The following LMAN1L variants were observed in gnomAD, a reference collection of about 807,000 sequenced individuals.
LMAN1L encodes the protein protein ERGIC-53-like.
In LMAN1L, 60 loss-of-function variants were observed where a neutral mutation model predicts 58.3. That is an observed-to-expected ratio of 1.03 (90% CI 0.84 to 1.27). LMAN1L has a LOEUF of 1.27. LMAN1L is among the 50% of genes most tolerant of loss of function. The pLI is 0.00. For missense variants in LMAN1L, 629 were observed against 674.0 expected (o/e 0.93, Z 0.74); for synonymous variants, 280 against 271.6 (o/e 1.03, Z -0.31).
intron 1 of LMAN1L, chr15:74,813,277 TCTC>T: frequency 1.6e-6 from 1 of 630,134 alleles, no homozygotes; most frequent in South Asian, 1.5e-5. Context: ...ACTTCTCTCT[TCTC>T]CTCTGCCTCT....
chr15:74,819,743 C>T, intron 6 of LMAN1L: 1 of 526,124 alleles, frequency 1.9e-6, no homozygotes, highest in Non-Finnish European at 3.5e-6. Flanking sequence ...CAGCTGTGCT[C>T]TGGGGGCCTA....
intron 1 of LMAN1L, among the ~76,000 whole-genome samples, chr15:74,813,928 C>A (rs532978309): frequency 6.6e-6 from 1 of 152,046 alleles, no homozygotes; most frequent in Non-Finnish European, 1.5e-5. Context: ...AGGTTGAAAA[C>A]CATCCTGGCC....
chr15:74,823,158 TGG>T (rs371109426), intron 11 of LMAN1L, among the ~76,000 whole-genome samples: 43 of 152,036 alleles, frequency 2.8e-4, no homozygotes, highest in African/African-American at 1.0e-3. Flanking sequence ...CCCTGGGGGT[TGG>T]GGGAGTCCTG....
At chr15:74,819,591 G>A (rs1211657728) in intron 6 of LMAN1L, 2 of 500,874 alleles carry the variant, frequency 4.0e-6, no homozygotes, top group East Asian at 3.1e-5. Context: ...TCCACGGAGG[G>A]TCCCACAGCG....
At chr15:74,817,292 A>ACG (rs1277160484) in intron 4 of LMAN1L, among the ~76,000 whole-genome samples, 3 of 152,176 alleles carry the variant, frequency 2.0e-5, no homozygotes, top group African/African-American at 4.8e-5. Flanking sequence ...TGTCTTAGTT[A>ACG]ACCCTCATAA....
intron 5 of LMAN1L, 55 bp from the exon 6 acceptor site, chr15:74,819,097 A>G: frequency 6.5e-7 from 1 of 1,550,268 alleles, no homozygotes; most frequent in South Asian, 1.2e-5. Context: ...CAGGGGAGCC[A>G]GGGAGTCAGA....
intron 6 of LMAN1L, chr15:74,819,691 A>G: frequency 2.1e-6 from 1 of 486,598 alleles, no homozygotes; most frequent in Non-Finnish European, 3.7e-6. Flanking sequence ...GGTCAGAGCT[A>G]TGCTGGAAAG....
At chr15:74,824,509 AGCACTG>A (rs1309989967) in intron 13 of LMAN1L, 31 bp downstream of exon 13, 1 of 1,613,064 alleles carries the variant, frequency 6.2e-7, no homozygotes, top group African/African-American at 1.3e-5. Context: ...GATTTCCCAC[AGCACTG>A]GCATCTCTTG....
In LMAN1L at chr15:74,823,657, T is replaced by C. The variant is rs1418655325; in HGVS notation, c.1298T>C (p.Leu433Pro). 2 of 1,613,750 alleles carry C rather than the reference T, an allele frequency of 1.2e-6. No individual in the cohort carries two copies. The highest frequency in any genetic ancestry group is 1.7e-6 in the Non-Finnish European group (2 of 1,179,848). The change falls in exon 12 of 14, where the codon CTG becomes CCG. Residue 433 changes from leucine to proline, a missense_variant. Leu to Pro is a moderately conservative substitution (Grantham distance 98, BLOSUM62 -3). This residue lies in a region of LMAN1L where 573 missense variants were observed against 597.3 expected (regional missense o/e 0.96). Transcript: ENST00000309664. ...FLELDHILGLLQEELRGPAKA... is the reference protein window; with the variant it reads ...FLELDHILGLPQEELRGPAKA... ...GAGCTGGACCACATCCTGGGCCTCC[T>C]GCAGGAGGAGCTTCGGGGCCCGGCG...
chr15:74,825,338 CAAAGGAGCCACAG>C (rs2063936486), intron 13 of LMAN1L, 125 bp from the exon 14 acceptor site: 1 of 925,218 alleles, frequency 1.1e-6, no homozygotes, highest in African/African-American at 1.6e-5. Context: ...TGCAGCGGGC[CAAAGGAGCCACAG>C]AAAGTCCAAG....
intron 4 of LMAN1L, among the ~76,000 whole-genome samples, chr15:74,817,979 C>G (rs1829918701): frequency 6.7e-6 from 1 of 149,518 alleles, no homozygotes; most frequent in African/African-American, 2.5e-5. Context: ...CGCCACTGCA[C>G]TCCAGCCAGG....
Position 74,821,724 on chromosome 15 carries a change from G to A in LMAN1L, c.1060-105G>A, listed in dbSNP as rs529919442. On this transcript the variant is annotated intron_variant, in intron 9 of 13. Transcript: ENST00000309664. ...GGGCTTTGCTGGGCTCTGACAGCTC[G>A]AGGTTTTAATCTTGTGTCAGAGCAG... The A allele has an allele frequency of 2.8e-5, 21 of 743,914 alleles. 1 individual carries two copies. The highest frequency in any genetic ancestry group is 1.4e-4 in the Admixed American group (6 of 43,760). The allele number at this position is 743,914 out of a possible 1,614,324, so 46.1% of individuals were successfully genotyped here. A position where few individuals can be genotyped will look rare whatever the true frequency, so the allele number is the denominator to read the frequency against.
At position 74,819,180 on chromosome 15, in the gene LMAN1L, G is replaced by A. The variant is rs919298745; in HGVS notation, c.626G>A (p.Ser209Asn). Residue 209 changes from serine to asparagine, a missense_variant, in exon 6 of 14, where the codon AGT (serine) becomes AAT (asparagine). Physicochemically the swap from Ser to Asn is conservative, Grantham distance 46 (BLOSUM62 1). Coordinates refer to ENST00000309664, the MANE Select transcript of LMAN1L (RefSeq NM_021819.3). Reference protein sequence around the residue: ...RMSLNSGLTPSDPGEFCVDVG... With the variant: ...RMSLNSGLTPNDPGEFCVDVG... ...TCCTTGAACAGTGGCCTCACTCCCA[G>A]TGATCCAGGTGAGTTCTGTGTGGAT... 1.2e-6 allele frequency: 2 copies of A among 1,613,854 alleles called. No homozygotes were observed. The highest frequency in any genetic ancestry group is 2.2e-5 in the South Asian group (2 of 91,062).
rs1263191063 is a variant in LMAN1L, at chr15:74,821,114, A to ACCG, written c.951_953dup (p.Arg318dup). 2 of 1,570,128 alleles carry ACCG rather than the reference A, an allele frequency of 1.3e-6. No individual in the cohort carries two copies. The highest frequency in any genetic ancestry group is 1.9e-5 in the Admixed American group (1 of 53,330). On this transcript the variant is annotated inframe_insertion, in exon 9 of 14. Coordinates refer to ENST00000309664, the MANE Select transcript of LMAN1L (RefSeq NM_021819.3). Reference sequence around the variant, plus strand: ...GACCTGGAGGAGACGCTGGGCAGACACCGCCGGATCCTGCAGGCTCTGCGG... The same window carrying ACCG: ...GACCTGGAGGAGACGCTGGGCAGACACCGCCGCCGGATCCTGCAGGCTCTGCGG...
intron 12 of LMAN1L, chr15:74,824,065 C>T (rs1009153748): frequency 1.5e-4 from 79 of 516,258 alleles, no homozygotes; most frequent in African/African-American, 1.3e-3. Flanking sequence ...TCACCCTGCT[C>T]ACCCTGTCTT....
intron 7 of LMAN1L, 142 bp from the exon 8 acceptor site, chr15:74,820,493 G>C: frequency 9.3e-7 from 1 of 1,070,310 alleles, no homozygotes; most frequent in Non-Finnish European, 1.4e-6. Context: ...TCTGCGTGAA[G>C]GCAGAACTCA....
chr15:74,825,329 G>C (rs2063936385), intron 13 of LMAN1L, 147 bp from the exon 14 acceptor site: 2 of 808,484 alleles, frequency 2.5e-6, no homozygotes, highest in African/African-American at 3.4e-5. Context: ...TGGACCATAT[G>C]CAGCGGGCCA....
chr15:74,824,058 C>T, intron 12 of LMAN1L: 2 of 509,566 alleles, frequency 3.9e-6, no homozygotes, highest in South Asian at 5.6e-5. Flanking sequence ...CTCGCCCTCA[C>T]CCTGCTCACC....
Position 74,825,707 on chromosome 15 carries a change from C to A in LMAN1L, c.*102C>A. 4.1e-6 allele frequency: 5 copies of A among 1,206,562 alleles called. No homozygotes were observed. The highest frequency in any genetic ancestry group is 5.9e-6 in the Non-Finnish European group (5 of 853,044). The allele number at this position is 1,206,562 out of a possible 1,614,324, so 74.7% of individuals were successfully genotyped here. On this transcript the variant is annotated 3_prime_UTR_variant, in exon 14 of 14. Coordinates refer to ENST00000309664, the MANE Select transcript of LMAN1L (RefSeq NM_021819.3). ...TCTGGGTGCCCAGCTCCCACGCACA[C>A]CTGAGCTTTCGGCATGCTCCCACCT...
Sources: gnomAD v4.1 joint callset for allele counts (sites outside exome capture counted in the v4.1 genomes callset) on GRCh38, gnomAD v4.1.1 for gene constraint, gnomAD v4.1.1 regional missense constraint, MANE v1.5 for transcripts, NCBI Gene and HGNC (gene_info 2026-07-23, HGNC 2026-07-21) for gene names.